SNCB: variants seen among roughly 807,000 people sequenced by gnomAD.
The protein encoded by SNCB is beta-synuclein.
SNCB carries 8 observed loss-of-function variants against 20.0 expected under a neutral mutation model. The observed-to-expected ratio is 0.40, with a 90% CI of 0.24 to 0.72. The LOEUF is 0.72. Ranked by LOEUF, SNCB falls within the 30% of genes least tolerant of loss-of-function variation. SNCB has a pLI of 0.37. For synonymous variants in SNCB, 56 were observed against 65.4 expected, an observed-to-expected ratio of 0.86 and a Z score of 0.69; for missense variants, 125 against 168.0, an observed-to-expected ratio of 0.74 and a Z score of 1.41.
chr5:176,627,659 G>T (rs562909120), intron 2 of SNCB, among the ~76,000 whole-genome samples: 1 of 83,610 alleles, frequency 1.2e-5, no homozygotes, highest in East Asian at 3.4e-3. Flanking sequence ...TGAGCCCGGC[G>T]GGGGGGTGGG....
rs1759933605 is a variant in SNCB at position 176,626,252 on chromosome 5, G to C, written c.282+146C>G. The C allele has an allele frequency of 1.3e-6, 1 of 761,834 alleles. No homozygotes were observed. The highest frequency in any genetic ancestry group is 2.4e-6 in the Non-Finnish European group (1 of 420,878). The allele number at this position is 761,834 out of a possible 1,614,324, so 47.2% of individuals were successfully genotyped here. A position where few individuals can be genotyped will look rare whatever the true frequency, so the allele number is the denominator to read the frequency against. On this transcript the variant is annotated intron_variant, in intron 4 of 5. Coordinates refer to ENST00000393693, the MANE Select transcript of SNCB (RefSeq NM_003085.5). This position sits in a 1 kb window ranked among gnomAD's most constrained non-coding sequence, Gnocchi z 4.2. The stretch of plus-strand genomic sequence containing the variant: ...GAGCTGAGTCTAGCACGGGCCTGCA[G>C]GATGGGAGGCAAAGTGGCTTGTGTT...
chr5:176,628,326 C>T (rs1760103942), intron 2 of SNCB, among the ~76,000 whole-genome samples: 1 of 152,070 alleles, frequency 6.6e-6, no homozygotes, highest in Non-Finnish European at 1.5e-5. Flanking sequence ...GAGCTGGGAT[C>T]AAGCAGCCAT....
Position 176,620,756 on chromosome 5 carries a change from G to A in SNCB, c.*55C>T. ...TCTAAGGACAGCCCTGGCTCTGGGG[G>A]GCGGGGCAGGGACAGGGACAGAATT... On this transcript the variant is annotated 3_prime_UTR_variant, in exon 6 of 6. Coordinates refer to ENST00000393693, the MANE Select transcript of SNCB (RefSeq NM_003085.5). The surrounding 1 kb of genome is among the most constrained non-coding windows in gnomAD (Gnocchi z 4.5). The A allele has an allele frequency of 1.6e-6, 2 of 1,251,354 alleles. No individual in the cohort carries two copies. The highest frequency in any genetic ancestry group is 1.9e-4 in the Middle Eastern group (1 of 5,288). The allele number at this position is 1,251,354 out of a possible 1,614,324, so 77.5% of individuals were successfully genotyped here.
At position 176,629,604 on chromosome 5, in the gene SNCB, T is replaced by C. The variant is rs780912919; in HGVS notation, c.51A>G (p.Ala17=). The C allele has an allele frequency of 6.2e-7, 1 of 1,613,818 alleles. No individual in the cohort carries two copies. Among genetic ancestry groups the C allele is most frequent in the Non-Finnish European group, 8.5e-7 (1 of 1,179,874 alleles). Residue 17 remains alanine (A), a synonymous_variant, in exon 2 of 6, where the codon GCA becomes GCG. Coordinates refer to ENST00000393693, the MANE Select transcript of SNCB (RefSeq NM_003085.5). The surrounding 1 kb of genome is among the most constrained non-coding windows in gnomAD (Gnocchi z 4.1). ...GLSMAKEGVV[A]AAEKTKQGVT... ...CCCCCTGCTTGGTTTTCTCCGCGGC[T>C]GCCACAACGCCCTCCTTGGCCATGG...
Position 176,620,797 on chromosome 5 carries a change from G to C in SNCB, c.*14C>G. Reference sequence around the variant, plus strand: ...GGACAGAATTGTGCTGCTGGTGGGGGCTCTCCTGGGCCCCTACGCCTCTGG... The same window carrying C: ...GGACAGAATTGTGCTGCTGGTGGGGCCTCTCCTGGGCCCCTACGCCTCTGG... On this transcript the variant is annotated 3_prime_UTR_variant, in exon 6 of 6. Transcript: ENST00000393693. The surrounding 1 kb of genome is among the most constrained non-coding windows in gnomAD (Gnocchi z 4.5). 6.2e-7 allele frequency: 1 copy of C among 1,608,606 alleles called. No individual in the cohort carries two copies. Among genetic ancestry groups the C allele is most frequent in the Non-Finnish European group, 8.5e-7 (1 of 1,174,992 alleles).
At chr5:176,628,995 G>A (rs1454305891) in intron 2 of SNCB, among the ~76,000 whole-genome samples, 1 of 152,106 alleles carries the variant, frequency 6.6e-6, no homozygotes, top group Non-Finnish European at 1.5e-5. Context: ...AACTCAACTC[G>A]GCCTTGGAGG....
intron 2 of SNCB, among the ~76,000 whole-genome samples, chr5:176,628,905 G>A (rs1217080912): frequency 6.6e-6 from 1 of 152,206 alleles, no homozygotes; most frequent in East Asian, 1.9e-4. Context: ...ACCAGCCAGT[G>A]GTTGCAAGGA....
At chr5:176,624,250 C>T (rs1197243874) in intron 4 of SNCB, among the ~76,000 whole-genome samples, 7 of 152,212 alleles carry the variant, frequency 4.6e-5, no homozygotes, top group Non-Finnish European at 1.0e-4. Flanking sequence ...TGTGCCATCA[C>T]CAAGCGACCC....
rs540511793 is a variant in SNCB, at chr5:176,621,773, C to T, written c.283-470G>A. ...CCCTCCCCCGGGCCCTGTGTGGCCT[C>T]GTTTCTTCAGCTGTTGCTATTTTAA... On this transcript the variant is annotated intron_variant, in intron 4 of 5. Coordinates refer to ENST00000393693, the MANE Select transcript of SNCB (RefSeq NM_003085.5). This position sits in a 1 kb window ranked among gnomAD's most constrained non-coding sequence, Gnocchi z 4.1. Among the ~76,000 whole-genome samples, 4 of 152,310 alleles carry T rather than the reference C, an allele frequency of 2.6e-5. No individual in the cohort carries two copies. The highest frequency in any genetic ancestry group is 2.1e-4 in the South Asian group (1 of 4,826).
In SNCB at chr5:176,629,580, C is replaced by T; in HGVS notation, c.75G>A (p.Gly25=). Residue 25 remains glycine, a synonymous_variant, in exon 2 of 6, where the codon GGG becomes GGA. Coordinates refer to ENST00000393693, the MANE Select transcript of SNCB (RefSeq NM_003085.5). The surrounding 1 kb of genome is among the most constrained non-coding windows in gnomAD (Gnocchi z 4.1). ...VVAAAEKTKQ[G]VTEAAEKTKE... ...TGGTCTTCTCCGCCGCCTCGGTGACCCCCTGCTTGGTTTTCTCCGCGGCTG... is the reference window on the plus strand; with the variant it reads ...TGGTCTTCTCCGCCGCCTCGGTGACTCCCTGCTTGGTTTTCTCCGCGGCTG... 1 of 1,613,712 alleles carries T rather than the reference C, an allele frequency of 6.2e-7. No individual in the cohort carries two copies. The highest frequency in any genetic ancestry group is 8.5e-7 in the Non-Finnish European group (1 of 1,179,848).
Position 176,621,108 on chromosome 5 carries a change from G to A in SNCB, c.372+106C>T. 1.0e-6 allele frequency: 1 copy of A among 957,634 alleles called. No individual in the cohort carries two copies. The highest frequency in any genetic ancestry group is 2.8e-4 in the Middle Eastern group (1 of 3,542). 59.3% of individuals were successfully genotyped at this position (957,634 alleles called of 1,614,324 possible). ...CTGGGTTCTAGAAGAGGGATGTCAA[G>A]CTCCCTGGCCCAACCATCTCATGCC... On this transcript the variant is annotated intron_variant, in intron 5 of 5. Transcript: ENST00000393693. The surrounding 1 kb of genome is among the most constrained non-coding windows in gnomAD (Gnocchi z 4.1).
chr5:176,623,953 C>G (rs35035889), intron 4 of SNCB, among the ~76,000 whole-genome samples: 1 of 151,996 alleles, frequency 6.6e-6, no homozygotes, highest in East Asian at 1.9e-4. Context: ...GTGAGGATTC[C>G]GTGATGATGG....
At chr5:176,625,394 T>G (rs1356726646) in intron 4 of SNCB, among the ~76,000 whole-genome samples, 1 of 152,200 alleles carries the variant, frequency 6.6e-6, no homozygotes, top group Non-Finnish European at 1.5e-5. Flanking sequence ...ACCTGGCCTC[T>G]TGGTGATTGA....
At position 176,629,355 on chromosome 5, in the gene SNCB, C is replaced by T; in HGVS notation, c.121+179G>A. 1.5e-6 allele frequency: 1 copy of T among 667,360 alleles called. No homozygotes were observed. The highest frequency in any genetic ancestry group is 2.0e-5 in the South Asian group (1 of 51,122). 41.3% of individuals were successfully genotyped at this position (667,360 alleles called of 1,614,324 possible). On this transcript the variant is annotated intron_variant, in intron 2 of 5. Transcript: ENST00000393693. The surrounding 1 kb of genome is among the most constrained non-coding windows in gnomAD (Gnocchi z 4.1). ...TCAGCCCGCCCCGTGTCCCCATTTC[C>T]GGATACAGACCCAGGCTTCTATGGG... is the stretch of plus-strand genomic sequence containing the variant.
chr5:176,628,646 T>G (rs1760126740), intron 2 of SNCB, among the ~76,000 whole-genome samples: 3 of 152,146 alleles, frequency 2.0e-5, no homozygotes, highest in Admixed American at 6.5e-5. Flanking sequence ...TCTGCAGCCC[T>G]GCCCCCCTCT....
chr5:176,620,538 TCC>T lies in SNCB; in HGVS notation c.*271_*272del. 1.7e-6 allele frequency: 1 copy of T among 578,042 alleles called. No individual in the cohort carries two copies. The allele number at this position is 578,042 out of a possible 1,614,324, so 35.8% of individuals were successfully genotyped here. On this transcript the variant is annotated 3_prime_UTR_variant, in exon 6 of 6. Coordinates refer to ENST00000393693, the MANE Select transcript of SNCB (RefSeq NM_003085.5). The surrounding 1 kb of genome is among the most constrained non-coding windows in gnomAD (Gnocchi z 4.5). The stretch of plus-strand genomic sequence containing the variant: ...TTAAAAACACATAGAACATGCTACA[TCC>T]GCGCAGACGCTGGATGGGAGGAGGC...
At chr5:176,622,566 A>ACATCAGT (rs952874342) in intron 4 of SNCB, among the ~76,000 whole-genome samples, 10 of 152,092 alleles carry the variant, frequency 6.6e-5, no homozygotes, top group South Asian at 2.1e-4. Flanking sequence ...CAAATGTCCA[A>ACATCAGT]CATCAGTAGA....
chr5:176,624,034 C>CT (rs1460503223), intron 4 of SNCB, among the ~76,000 whole-genome samples: 1 of 152,234 alleles, frequency 6.6e-6, no homozygotes, highest in Non-Finnish European at 1.5e-5. Flanking sequence ...CCCCATGCCG[C>CT]TGGTGGCCCA....
chr5:176,627,004 T>C (rs1404124539), intron 2 of SNCB, among the ~76,000 whole-genome samples: 4 of 152,228 alleles, frequency 2.6e-5, no homozygotes, highest in African/African-American at 9.6e-5. Context: ...CTAGTGGATG[T>C]TGGCTGAGGG....
Sources: gnomAD v4.1 joint callset for allele counts (sites outside exome capture counted in the v4.1 genomes callset) on GRCh38, gnomAD v4.1.1 for gene constraint, Gnocchi (gnomAD v3.1) non-coding constraint, MANE v1.5 for transcripts, NCBI Gene and HGNC (gene_info 2026-07-23, HGNC 2026-07-21) for gene names.